The following PIAS1 variants were observed in gnomAD, a reference collection of about 807,000 sequenced individuals.
The protein encoded by PIAS1 is protein inhibitor of activated STAT 1.
Under a neutral mutation model 71.3 loss-of-function variants are expected in PIAS1, and 6 were observed. The observed-to-expected ratio is 0.08, with a 90% CI of 0.05 to 0.17. PIAS1 has a LOEUF of 0.17. Among genes scored for constraint, PIAS1 ranks in the 10% least tolerant of loss-of-function variants. The probability of loss-of-function intolerance (pLI) is 1.00; values close to 1 mark genes in which losing one functional copy is unlikely to be tolerated. For missense variants in PIAS1, 555 were observed against 793.6 expected (o/e 0.70, Z 3.61); for synonymous variants, 303 against 292.9 (o/e 1.03, Z -0.35).
chr15:68,120,236 A>C (rs1295001672), intron 2 of PIAS1, among the ~76,000 whole-genome samples: 1 of 151,180 alleles, frequency 6.6e-6, no homozygotes, highest in African/African-American at 2.4e-5. Flanking sequence ...AACAGGTTAT[A>C]GTTGTCTTTT....
chr15:68,092,309 C>T (rs370979027), intron 2 of PIAS1, among the ~76,000 whole-genome samples: 101 of 152,064 alleles, frequency 6.6e-4, no homozygotes, highest in Non-Finnish European at 1.2e-3. Context: ...GTAGCTGGGA[C>T]GACAGGCAGG....
At chr15:68,088,376 C>A (rs1037504308) in intron 2 of PIAS1, among the ~76,000 whole-genome samples, 8 of 151,472 alleles carry the variant, frequency 5.3e-5, no homozygotes, top group African/African-American at 1.9e-4. Context: ...ATTATATATT[C>A]GCAAATTCAG....
At position 68,065,915 on chromosome 15, in the gene PIAS1, C is replaced by CTTTTTTTT. The variant is rs869104577; in HGVS notation, c.24+11586_24+11593dup. ...GCCACCATGCTCAGCTGACTAAAAG[C>CTTTTTTTT]TTTTTTTTTTTTTTTTTTTTTTTTT... On this transcript the variant is annotated intron_variant, in intron 1 of 13. Coordinates refer to ENST00000249636, the MANE Select transcript of PIAS1 (RefSeq NM_016166.3). Among the ~76,000 whole-genome samples, 294 of 40,168 alleles carry CTTTTTTTT rather than the reference C, an allele frequency of 7.3e-3. 70 individuals are homozygous for CTTTTTTTT. Among genetic ancestry groups the CTTTTTTTT allele is most frequent in the African/African-American group, 0.031 (235 of 7,528 alleles). The allele number at this position is 40,168 out of a possible 152,430, so 26.4% of individuals were successfully genotyped here. A position where few individuals can be genotyped will look rare whatever the true frequency, so the allele number is the denominator to read the frequency against.
At chr15:68,088,181 T>TATTTTTTC (rs1352129141) in intron 2 of PIAS1, among the ~76,000 whole-genome samples, 1 of 137,098 alleles carries the variant, frequency 7.3e-6, no homozygotes, top group East Asian at 2.2e-4. Flanking sequence ...TGTGTGTATA[T>TATTTTTTC]ATATATATAT....
chr15:68,164,119 A>G (rs2141076996), intron 7 of PIAS1, among the ~76,000 whole-genome samples: 1 of 152,292 alleles, frequency 6.6e-6, no homozygotes, highest in African/African-American at 2.4e-5. Context: ...CAATTTTACT[A>G]CAAGTAAAAT....
chr15:68,071,384 T>A (rs1450815612), intron 1 of PIAS1, among the ~76,000 whole-genome samples: 2 of 150,714 alleles, frequency 1.3e-5, no homozygotes, highest in African/African-American at 4.9e-5. Context: ...CCTGGCTAAT[T>A]TTTTGTATTT....
intron 1 of PIAS1, among the ~76,000 whole-genome samples, chr15:68,071,605 A>G (rs138913529): frequency 6.6e-6 from 1 of 152,206 alleles, no homozygotes; most frequent in African/African-American, 2.4e-5. Flanking sequence ...GTAGTTAACA[A>G]TGTATTCATA....
chr15:68,073,787 A>G (rs1222390516), intron 1 of PIAS1, among the ~76,000 whole-genome samples: 1 of 152,216 alleles, frequency 6.6e-6, no homozygotes. Context: ...AAGTTTAAGC[A>G]CAAGCGTGAC....
In PIAS1 at chr15:68,186,512, T is replaced by G. The variant is rs1372887747; in HGVS notation, c.1663-1030T>G. Among the ~76,000 whole-genome samples the G allele has an allele frequency of 1.3e-5, 2 of 152,222 alleles. No individual in the cohort carries two copies. The highest frequency in any genetic ancestry group is 3.8e-4 in the East Asian group (2 of 5,202). On this transcript the variant is annotated intron_variant, in intron 13 of 13. Coordinates refer to ENST00000249636, the MANE Select transcript of PIAS1 (RefSeq NM_016166.3). This position sits in a 1 kb window ranked among gnomAD's most constrained non-coding sequence, Gnocchi z 4.4. ...TTAGTTAGCTAATGTTAATTTATTA[T>G]TGAAGAAAGAAAAATATTTTTAACA...
rs1208280082 is a variant in PIAS1 at position 68,190,062 on chromosome 15, C to CT, written c.*2230dup. ...GTGGTCTCAGAATTCTGATCAGTAA[C>CT]TTTGTGTATGATGCTGAATTACAAA... On this transcript the variant is annotated 3_prime_UTR_variant, in exon 14 of 14. Transcript: ENST00000249636. This position sits in a 1 kb window ranked among gnomAD's most constrained non-coding sequence, Gnocchi z 4.7. The CT allele has an allele frequency of 6.6e-6, 1 of 152,106 alleles. No homozygotes were observed. The highest frequency in any genetic ancestry group is 2.4e-5 in the African/African-American group (1 of 41,420). The allele number at this position is 152,106 out of a possible 1,614,324, so 9.4% of individuals were successfully genotyped here.
intron 2 of PIAS1, among the ~76,000 whole-genome samples, chr15:68,140,695 T>C (rs185597151): frequency 2.5e-4 from 38 of 152,306 alleles, no homozygotes; most frequent in Admixed American, 9.2e-4. Flanking sequence ...GCGTGACATA[T>C]TGCAGTTTGG....
chr15:68,109,202 G>C (rs1304176626), intron 2 of PIAS1, among the ~76,000 whole-genome samples: 1 of 152,054 alleles, frequency 6.6e-6, no homozygotes, highest in South Asian at 2.1e-4. Context: ...AAACATTCAC[G>C]TGGCCATCTC....
intron 1 of PIAS1, among the ~76,000 whole-genome samples, chr15:68,070,223 T>A (rs2092079807): frequency 6.6e-6 from 1 of 152,154 alleles, no homozygotes; most frequent in African/African-American, 2.4e-5. Context: ...TGGGAACTAG[T>A]TGAATGTGCC....
At chr15:68,071,212 C>A (rs1368655579) in intron 1 of PIAS1, among the ~76,000 whole-genome samples, 1 of 134,352 alleles carries the variant, frequency 7.4e-6, no homozygotes, top group Non-Finnish European at 1.6e-5. Flanking sequence ...CCCCGCCCCC[C>A]CGCCCCTACC....
At chr15:68,088,983 A>G (rs1452083215) in intron 2 of PIAS1, among the ~76,000 whole-genome samples, 1 of 152,202 alleles carries the variant, frequency 6.6e-6, no homozygotes, top group African/African-American at 2.4e-5. Flanking sequence ...TTTTGAGAAC[A>G]TAGTTTCGAA....
chr15:68,172,280 A>G (rs1389452972), intron 8 of PIAS1, among the ~76,000 whole-genome samples: 2 of 152,206 alleles, frequency 1.3e-5, no homozygotes, highest in Admixed American at 6.5e-5. Flanking sequence ...TCCATGGTAT[A>G]TATGTGCCAC....
At chr15:68,100,155 T>A (rs890669645) in intron 2 of PIAS1, among the ~76,000 whole-genome samples, 1 of 152,046 alleles carries the variant, frequency 6.6e-6, no homozygotes, top group Non-Finnish European at 1.5e-5. Context: ...TGTAGGAAGT[T>A]GAGAAATGTA....
chr15:68,167,261 C>G lies in PIAS1; in HGVS notation c.1008+2457C>G, dbSNP rs2092963549. 6.6e-6 allele frequency among the ~76,000 whole-genome samples: 1 copy of G among 151,866 alleles called. No homozygotes were observed. Among genetic ancestry groups the G allele is most frequent in the African/African-American group, 2.4e-5 (1 of 41,304 alleles). On this transcript the variant is annotated intron_variant, in intron 8 of 13. Coordinates refer to ENST00000249636, the MANE Select transcript of PIAS1 (RefSeq NM_016166.3). This position sits in a 1 kb window ranked among gnomAD's most constrained non-coding sequence, Gnocchi z 4.4. ...AATACTTTCATGGGTTTCTATTTGG[C>G]TAAAGGGATAATCCCTTACAGTTAT...
chr15:68,099,104 C>A (rs943447879), intron 2 of PIAS1, among the ~76,000 whole-genome samples: 1 of 151,962 alleles, frequency 6.6e-6, no homozygotes. Flanking sequence ...TTTTAACTTG[C>A]ACTTCTCTTA....
Sources: gnomAD v4.1 joint callset for allele counts (sites outside exome capture counted in the v4.1 genomes callset) on GRCh38, gnomAD v4.1.1 for gene constraint, Gnocchi (gnomAD v3.1) non-coding constraint, MANE v1.5 for transcripts, NCBI Gene and HGNC (gene_info 2026-07-23, HGNC 2026-07-21) for gene names.